The following TMEM196 variants were observed in gnomAD, a reference collection of about 807,000 sequenced individuals.
TMEM196 encodes the protein transmembrane protein 196.
A neutral mutation model predicts 20.0 loss-of-function variants in TMEM196; 17 were observed. The observed-to-expected ratio is 0.85, with a 90% confidence interval of 0.58 to 1.27. The LOEUF is 1.27. TMEM196 is among the 50% of genes most tolerant of loss of function. The pLI is 0.00. For missense variants in TMEM196, 267 were observed against 223.0 expected, an observed-to-expected ratio of 1.20 and a Z score of -1.26; for synonymous variants, 113 against 88.9, an observed-to-expected ratio of 1.27 and a Z score of -1.52.
Position 19,756,112 on chromosome 7 carries a change from A to G in TMEM196, c.147+16438T>C, listed in dbSNP as rs190793859. On this transcript the variant is annotated intron_variant, in intron 1 of 4. Coordinates refer to ENST00000405844, the MANE Select transcript of TMEM196 (RefSeq NM_001363562.2). ...CAAAAAAAAAAATGTATTCAGACAAAAGCTATGCAATAGAAATCTAATGTA... is the reference window on the plus strand; with the variant it reads ...CAAAAAAAAAAATGTATTCAGACAAGAGCTATGCAATAGAAATCTAATGTA... Among the ~76,000 whole-genome samples, 335 of 152,250 alleles carry G rather than the reference A, an allele frequency of 2.2e-3. 2 individuals are homozygous for G. The highest frequency in any genetic ancestry group is 2.5e-3 in the Non-Finnish European group (167 of 68,016).
At chr7:19,757,852 A>G (rs534038391) in intron 1 of TMEM196, among the ~76,000 whole-genome samples, 2 of 152,054 alleles carry the variant, frequency 1.3e-5, no homozygotes, top group South Asian at 2.1e-4. Context: ...GCTGTACTCT[A>G]TCCATGGTTA....
intron 1 of TMEM196, among the ~76,000 whole-genome samples, chr7:19,767,919 A>G (rs987016107): frequency 2.0e-5 from 3 of 151,986 alleles, no homozygotes; most frequent in African/African-American, 4.8e-5. Flanking sequence ...AATACTTTGG[A>G]GCAGCTATGA....
intron 2 of TMEM196, among the ~76,000 whole-genome samples, chr7:19,728,588 C>A (rs1784079910): frequency 6.6e-6 from 1 of 152,166 alleles, no homozygotes; most frequent in South Asian, 2.1e-4. Flanking sequence ...ACTGGCCTCA[C>A]CTTGGAAAAC....
At chr7:19,761,897 C>T (rs941856449) in intron 1 of TMEM196, among the ~76,000 whole-genome samples, 3 of 152,176 alleles carry the variant, frequency 2.0e-5, no homozygotes, top group Non-Finnish European at 4.4e-5. Context: ...ATTCTCAGAA[C>T]GCAATTTCTT....
intron 1 of TMEM196, among the ~76,000 whole-genome samples, chr7:19,769,447 G>A (rs1053776692): frequency 6.6e-6 from 1 of 151,900 alleles, no homozygotes; most frequent in African/African-American, 2.4e-5. Flanking sequence ...CTAAGCCCCA[G>A]AAAAATGGAA....
intron 1 of TMEM196, among the ~76,000 whole-genome samples, chr7:19,755,372 A>G (rs1185167738): frequency 1.3e-5 from 2 of 152,138 alleles, no homozygotes; most frequent in African/African-American, 4.8e-5. Flanking sequence ...AATTTCAGTG[A>G]ATGTTTGGTG....
At chr7:19,722,533 A>G (rs1338017090) in intron 4 of TMEM196, among the ~76,000 whole-genome samples, 1 of 152,152 alleles carries the variant, frequency 6.6e-6, no homozygotes, top group Non-Finnish European at 1.5e-5. Context: ...GGTGACCTTT[A>G]TTCTACAGGA....
rs1783752966 is a variant in TMEM196 at position 19,719,690 on chromosome 7, T to C, written c.*2438A>G. ...AGTTTCAAGCACTTGAACAATGTCT[T>C]CCTAACATCCCCCACTTATCTAAAA... On this transcript the variant is annotated 3_prime_UTR_variant, in exon 5 of 5. Coordinates refer to ENST00000405844, the MANE Select transcript of TMEM196 (RefSeq NM_001363562.2). The C allele has an allele frequency of 6.6e-6, 1 of 152,118 alleles. No homozygotes were observed. The highest frequency in any genetic ancestry group is 1.5e-5 in the Non-Finnish European group (1 of 67,970). The allele number at this position is 152,118 out of a possible 1,614,324, so 9.4% of individuals were successfully genotyped here. A position where few individuals can be genotyped will look rare whatever the true frequency, so the allele number is the denominator to read the frequency against.
intron 2 of TMEM196, among the ~76,000 whole-genome samples, chr7:19,727,027 T>G (rs1021075263): frequency 2.0e-5 from 3 of 152,196 alleles, no homozygotes; most frequent in East Asian, 1.9e-4. Flanking sequence ...TCTCCTCCTT[T>G]GTTGTAATTC....
intron 1 of TMEM196, among the ~76,000 whole-genome samples, chr7:19,739,953 T>A (rs1784530747): frequency 1.3e-5 from 2 of 150,314 alleles, no homozygotes. Flanking sequence ...TATACAGGTG[T>A]GTTTTGTGTG....
At chr7:19,763,913 C>T (rs1178308554) in intron 1 of TMEM196, among the ~76,000 whole-genome samples, 1 of 152,124 alleles carries the variant, frequency 6.6e-6, no homozygotes, top group African/African-American at 2.4e-5. Context: ...TAATGTAACT[C>T]AGTCAAGCCT....
chr7:19,720,980 C>T lies in TMEM196; in HGVS notation c.*1148G>A, dbSNP rs1783794317. On this transcript the variant is annotated 3_prime_UTR_variant, in exon 5 of 5. Coordinates refer to ENST00000405844, the MANE Select transcript of TMEM196 (RefSeq NM_001363562.2). The stretch of plus-strand genomic sequence containing the variant: ...TATCTTTATAAATACGGAAGTATGT[C>T]ATTAAAGTCATGTTCGTTTATAAAT... 1 of 151,754 alleles carries T rather than the reference C, an allele frequency of 6.6e-6. No homozygotes were observed. The highest frequency in any genetic ancestry group is 1.5e-5 in the Non-Finnish European group (1 of 67,778). 9.4% of individuals were successfully genotyped at this position (151,754 alleles called of 1,614,324 possible). A position where few individuals can be genotyped will look rare whatever the true frequency, so the allele number is the denominator to read the frequency against.
At chr7:19,730,107 TTAGCCGGGCGTGGTGGCAGGCGCC>T (rs1784145701) in intron 1 of TMEM196, among the ~76,000 whole-genome samples, 1 of 151,836 alleles carries the variant, frequency 6.6e-6, no homozygotes, top group Non-Finnish European at 1.5e-5. Flanking sequence ...ATACAAAAAA[TTAGCCGGGCGTGGTGGCAGGCGCC>T]TATGATCCCA....
chr7:19,729,359 A>G, intron 2 of TMEM196, 23 bp downstream of exon 2: 2 of 1,549,724 alleles, frequency 1.3e-6, no homozygotes, highest in South Asian at 1.2e-5. Context: ...TCAATGCACA[A>G]TACAAACAAA....
At chr7:19,765,142 C>A (rs1405062563) in intron 1 of TMEM196, among the ~76,000 whole-genome samples, 1 of 152,130 alleles carries the variant, frequency 6.6e-6, no homozygotes, top group South Asian at 2.1e-4. Context: ...CATATGGAAG[C>A]ATCTGGACAT....
At chr7:19,772,506 A>G (rs1392335616) in intron 1 of TMEM196, 44 bp downstream of exon 1, 15 of 1,497,502 alleles carry the variant, frequency 1.0e-5, no homozygotes, top group Non-Finnish European at 1.3e-5. Context: ...AAAGAGGTAA[A>G]GAGAGAGTGA....
At chr7:19,736,521 T>A (rs1233471639) in intron 1 of TMEM196, among the ~76,000 whole-genome samples, 1 of 151,444 alleles carries the variant, frequency 6.6e-6, no homozygotes, top group African/African-American at 2.4e-5. Context: ...CAGTTAAAAA[T>A]TAGAGTATCC....
rs111846948 is a variant in TMEM196 at position 19,731,579 on chromosome 7, G to A, written c.148-2141C>T. ...AGTCCCATTTATCCAGAACTCATTC[G>A]AAAAGAATTTGAAAGCAGTGTAGTT... On this transcript the variant is annotated intron_variant, in intron 1 of 4. Transcript: ENST00000405844. Among the ~76,000 whole-genome samples, 147 of 152,158 alleles carry A rather than the reference G, an allele frequency of 9.7e-4. 2 individuals carry two copies. Among genetic ancestry groups the A allele is most frequent in the Non-Finnish European group, 9.0e-4 (61 of 68,022 alleles).
chr7:19,759,921 C>T (rs1344507060), intron 1 of TMEM196, among the ~76,000 whole-genome samples: 1 of 152,128 alleles, frequency 6.6e-6, no homozygotes, highest in Non-Finnish European at 1.5e-5. Flanking sequence ...CTGTGACTTC[C>T]TGTGTGACAT....
Sources: gnomAD v4.1 joint callset for allele counts (sites outside exome capture counted in the v4.1 genomes callset) on GRCh38, gnomAD v4.1.1 for gene constraint, MANE v1.5 for transcripts, NCBI Gene and HGNC (gene_info 2026-07-23, HGNC 2026-07-21) for gene names.